Variants in PGM5 observed in about 807,000 individuals in gnomAD.
PGM5 encodes the protein phosphoglucomutase 5.
A neutral mutation model predicts 59.2 loss-of-function variants in PGM5; 23 were observed. The observed-to-expected ratio is 0.39, with a 90% confidence interval of 0.28 to 0.55. The LOEUF (loss-of-function observed/expected upper bound fraction) is 0.55. PGM5 is among the 20% of genes least tolerant of loss of function. The probability of loss-of-function intolerance (pLI) is 0.66; values close to 1 mark genes in which losing one functional copy is unlikely to be tolerated. For synonymous variants in PGM5, 214 were observed against 286.0 expected (o/e 0.75, Z 2.54); for missense variants, 574 against 748.3 (o/e 0.77, Z 2.72).
At chr9:68,419,750 A>G (rs1035781820) in intron 6 of PGM5, among the ~76,000 whole-genome samples, 1 of 152,242 alleles carries the variant, frequency 6.6e-6, no homozygotes, top group Non-Finnish European at 1.5e-5. Context: ...GGTAGAAATC[A>G]AAGAATTTTC....
At chr9:68,420,935 G>A (rs1255433808) in intron 6 of PGM5, among the ~76,000 whole-genome samples, 2 of 152,224 alleles carry the variant, frequency 1.3e-5, no homozygotes, top group Non-Finnish European at 2.9e-5. Flanking sequence ...TCAGTGAAGT[G>A]TTATAAAGTG....
intron 6 of PGM5, among the ~76,000 whole-genome samples, chr9:68,414,336 A>G (rs1822985266): frequency 6.6e-6 from 1 of 152,238 alleles, no homozygotes; most frequent in Admixed American, 6.5e-5. Context: ...GTCCACTCAG[A>G]CTACCAGGTG....
In PGM5 at chr9:68,489,095, C is replaced by G. The variant is rs75050389; in HGVS notation, c.1479+5047C>G. ...CTCTTTCTTCCCTTCACCATCGATA[C>G]CCTAAAGAATATTATCAAGATTGTC... On this transcript the variant is annotated intron_variant, in intron 9 of 10. Coordinates refer to ENST00000396396, the MANE Select transcript of PGM5 (RefSeq NM_021965.4). 8.3e-3 allele frequency among the ~76,000 whole-genome samples: 1,267 copies of G among 152,212 alleles called. 10 individuals are homozygous for G. The highest frequency in any genetic ancestry group is 0.029 in the African/African-American group (1,202 of 41,524).
At chr9:68,418,879 T>C (rs1823081333) in intron 6 of PGM5, among the ~76,000 whole-genome samples, 1 of 152,032 alleles carries the variant, frequency 6.6e-6, no homozygotes, top group African/African-American at 2.4e-5. Flanking sequence ...AAGGAGGTGT[T>C]GGGAGATGAA....
chr9:68,436,428 A>G (rs1823442350), intron 6 of PGM5, among the ~76,000 whole-genome samples: 1 of 152,238 alleles, frequency 6.6e-6, no homozygotes, highest in Admixed American at 6.5e-5. Flanking sequence ...ATGAGAAAGC[A>G]GGACCCGGAA....
chr9:68,384,313 G>C, intron 2 of PGM5, 85 bp from the exon 3 acceptor site: 1 of 848,118 alleles, frequency 1.2e-6, no homozygotes, highest in East Asian at 2.4e-5. Flanking sequence ...ATCTTTTTCT[G>C]CCTGGTGGAG....
In PGM5 at chr9:68,501,216, G is replaced by T. The variant is rs189644523; in HGVS notation, c.1614+1855G>T. Among the ~76,000 whole-genome samples the T allele has an allele frequency of 1.5e-3, 225 of 152,124 alleles. 1 individual carries two copies. Among genetic ancestry groups the T allele is most frequent in the Non-Finnish European group, 2.2e-3 (149 of 68,014 alleles). On this transcript the variant is annotated intron_variant, in intron 10 of 10. Coordinates refer to ENST00000396396, the MANE Select transcript of PGM5 (RefSeq NM_021965.4). ...GAGTTTTCCTAGACCTGGCTCGATG[G>T]GCCCCCGAGTATGTAGCACATGATC...
At chr9:68,404,120 G>T (rs1431459694) in intron 6 of PGM5, among the ~76,000 whole-genome samples, 1 of 151,946 alleles carries the variant, frequency 6.6e-6, no homozygotes, top group Non-Finnish European at 1.5e-5. Flanking sequence ...TCCTTCTAGA[G>T]GTTGTTTTGT....
At chr9:68,496,804 T>G (rs1398864708) in intron 9 of PGM5, 1 of 152,228 alleles carries the variant, frequency 6.6e-6, no homozygotes, top group Non-Finnish European at 1.5e-5. Flanking sequence ...TCTGAGAATG[T>G]TAATTGTTTA....
intron 6 of PGM5, among the ~76,000 whole-genome samples, chr9:68,459,935 C>T (rs7855134): frequency 0.14 from 20,949 of 151,960 alleles, 3,070 homozygotes; most frequent in African/African-American, 0.37. Flanking sequence ...TAGATATATA[C>T]GATGCAAATA....
chr9:68,399,693 C>A (rs1229360936), intron 6 of PGM5, among the ~76,000 whole-genome samples: 1 of 151,608 alleles, frequency 6.6e-6, no homozygotes, highest in Non-Finnish European at 1.5e-5. Flanking sequence ...GCGGAAGTTC[C>A]TTGGATGATC....
At chr9:68,385,434 GA>G (rs1246966898) in intron 3 of PGM5, among the ~76,000 whole-genome samples, 1 of 152,122 alleles carries the variant, frequency 6.6e-6, no homozygotes, top group Non-Finnish European at 1.5e-5. Context: ...TAGGGATAGA[GA>G]AAAGATTAAA....
chr9:68,365,641 T>C (rs1834665015), intron 1 of PGM5, among the ~76,000 whole-genome samples: 1 of 152,186 alleles, frequency 6.6e-6, no homozygotes, highest in Non-Finnish European at 1.5e-5. Context: ...CGTAGAAGCA[T>C]TTGACTTTTA....
chr9:68,499,447 T>C, intron 10 of PGM5, 86 bp downstream of exon 10: 1 of 1,355,870 alleles, frequency 7.4e-7, no homozygotes, highest in East Asian at 2.4e-5. Flanking sequence ...TGGGGCTATT[T>C]TACCTCCTGG....
chr9:68,377,459 A>G (rs1483757658), intron 1 of PGM5, among the ~76,000 whole-genome samples: 1 of 152,208 alleles, frequency 6.6e-6, no homozygotes, highest in Admixed American at 6.5e-5. Flanking sequence ...AGAAATATTG[A>G]GAACTACTAG....
chr9:68,373,909 G>A (rs568354994), intron 1 of PGM5, among the ~76,000 whole-genome samples: 2 of 152,216 alleles, frequency 1.3e-5, no homozygotes, highest in Admixed American at 1.3e-4. Context: ...GAAATAAGCA[G>A]TGTAGAGATG....
At chr9:68,521,952 C>G (rs1467206204) in intron 10 of PGM5, among the ~76,000 whole-genome samples, 1 of 152,146 alleles carries the variant, frequency 6.6e-6, no homozygotes, top group Non-Finnish European at 1.5e-5. Context: ...AATTAGAGCT[C>G]ACATTTGAAT....
At chr9:68,528,486 C>T (rs919019959) in intron 10 of PGM5, among the ~76,000 whole-genome samples, 8 of 152,324 alleles carry the variant, frequency 5.3e-5, no homozygotes, top group Admixed American at 5.2e-4. Flanking sequence ...GATCCTCTGC[C>T]TCAGCCTTCC....
chr9:68,463,508 G>A (rs868975317), intron 6 of PGM5, among the ~76,000 whole-genome samples: 1 of 152,144 alleles, frequency 6.6e-6, no homozygotes, highest in Non-Finnish European at 1.5e-5. Context: ...ACAGGATGGT[G>A]TAATGGAATG....
Sources: allele counts gnomAD v4.1 joint callset (sites outside exome capture counted in the v4.1 genomes callset), GRCh38; gene constraint gnomAD v4.1.1; transcripts MANE v1.5; gene names NCBI Gene and HGNC (gene_info 2026-07-23, HGNC 2026-07-21).